HSD17B4: variants seen among roughly 807,000 people sequenced by gnomAD.
HSD17B4 encodes peroxisomal multifunctional enzyme type 2.
HSD17B4 carries 70 observed loss-of-function variants against 101.0 expected under a neutral mutation model. That is an observed-to-expected ratio of 0.69 (90% CI 0.57 to 0.85). The LOEUF is 0.85. Among genes scored for constraint, HSD17B4 ranks in the 40% least tolerant of loss-of-function variants. HSD17B4 has a pLI of 0.00. For synonymous variants in HSD17B4, 347 were observed against 297.1 expected, an observed-to-expected ratio of 1.17 and a Z score of -1.73; for missense variants, 984 against 892.4, an observed-to-expected ratio of 1.10 and a Z score of -1.31.
At chr5:119,511,789 G>T (rs560334893) in intron 16 of HSD17B4, among the ~76,000 whole-genome samples, 2 of 152,176 alleles carry the variant, frequency 1.3e-5, no homozygotes, top group South Asian at 4.1e-4. Flanking sequence ...AGGGGTGGGG[G>T]ATTAGTGTCT....
chr5:119,526,164 C>A, intron 19 of HSD17B4, 141 bp downstream of exon 19: 4 of 657,228 alleles, frequency 6.1e-6, no homozygotes, highest in Non-Finnish European at 5.5e-6. Context: ...ACCTGGCAAT[C>A]AGCACACTTT....
chr5:119,478,760 C>T (rs955449465), intron 7 of HSD17B4, 74 bp from the exon 8 acceptor site: 2 of 1,297,112 alleles, frequency 1.5e-6, no homozygotes, highest in Admixed American at 1.7e-5. Flanking sequence ...TGCAGTAGTA[C>T]CAAAACAGAG....
intron 8 of HSD17B4, among the ~76,000 whole-genome samples, chr5:119,483,003 A>G (rs1208156942): frequency 6.6e-6 from 1 of 151,978 alleles, no homozygotes; most frequent in African/African-American, 2.4e-5. Flanking sequence ...AGGCTCTGGT[A>G]AAGTAGTTTC....
intron 14 of HSD17B4, among the ~76,000 whole-genome samples, chr5:119,504,150 A>G (rs901241155): frequency 2.6e-5 from 4 of 152,178 alleles, no homozygotes; most frequent in African/African-American, 9.7e-5. Flanking sequence ...CATGGTATAT[A>G]TGTACCACAT....
At chr5:119,474,231 A>AT (rs1231998660) in intron 3 of HSD17B4, among the ~76,000 whole-genome samples, 170 bp from the exon 4 acceptor site, 1 of 152,136 alleles carries the variant, frequency 6.6e-6, no homozygotes, top group East Asian at 1.9e-4. Flanking sequence ...ATTGTTTACT[A>AT]TTTTTATTAG....
At chr5:119,506,943 A>G (rs1410650877) in intron 15 of HSD17B4, 54 bp downstream of exon 15, 6 of 901,310 alleles carry the variant, frequency 6.7e-6, no homozygotes, top group Middle Eastern at 2.6e-4. Flanking sequence ...GGCTTTGTGT[A>G]TGACATAATA....
intron 8 of HSD17B4, among the ~76,000 whole-genome samples, chr5:119,482,551 A>G (rs898116388): frequency 6.6e-6 from 1 of 152,186 alleles, no homozygotes; most frequent in Non-Finnish European, 1.5e-5. Context: ...CTATTGAGTA[A>G]TAATAGCAAG....
At position 119,452,567 on chromosome 5, in the gene HSD17B4, G is replaced by T. The variant is rs773894314; in HGVS notation, c.-9G>T. The T allele has an allele frequency of 2.7e-5, 44 of 1,613,904 alleles. 1 individual carries two copies. In the South Asian group the frequency reaches 4.7e-4, roughly 17 times the overall value. On this transcript the variant is annotated 5_prime_UTR_variant, in exon 1 of 24. Coordinates refer to ENST00000510025, the MANE Select transcript of HSD17B4 (RefSeq NM_000414.4). ...CTTGTTCGTGTGTGTGTCGTTGCAG[G>T]CCTTATTCATGGGCTCACCGCTGAG...
chr5:119,516,425 G>T (rs781768101), intron 17 of HSD17B4, among the ~76,000 whole-genome samples: 10 of 152,196 alleles, frequency 6.6e-5, no homozygotes, highest in Non-Finnish European at 1.2e-4. Context: ...TCTACGCACA[G>T]TAAGTAGTGG....
intron 17 of HSD17B4, among the ~76,000 whole-genome samples, chr5:119,515,728 A>G (rs1415416814): frequency 6.6e-6 from 1 of 152,180 alleles, no homozygotes; most frequent in African/African-American, 2.4e-5. Context: ...CCATGCAGAT[A>G]TAGCATAAAA....
At chr5:119,453,433 TAAAAC>T (rs956233950) in intron 1 of HSD17B4, among the ~76,000 whole-genome samples, 25 of 152,276 alleles carry the variant, frequency 1.6e-4, no homozygotes, top group African/African-American at 5.1e-4. Context: ...TACAAAAAAT[TAAAAC>T]AAACCATTCA....
intron 8 of HSD17B4, among the ~76,000 whole-genome samples, chr5:119,483,312 G>A (rs574434847): frequency 1.3e-5 from 2 of 152,218 alleles, no homozygotes; most frequent in Admixed American, 6.6e-5. Context: ...ATTTGCCTGT[G>A]TCTCCAGTTT....
chr5:119,520,414 T>C (rs1002005281), intron 17 of HSD17B4, among the ~76,000 whole-genome samples: 2 of 152,178 alleles, frequency 1.3e-5, no homozygotes, highest in African/African-American at 4.8e-5. Context: ...GAGACCCCCA[T>C]TTAGATTTCT....
At chr5:119,480,336 G>A (rs1415110452) in intron 8 of HSD17B4, among the ~76,000 whole-genome samples, 1 of 151,968 alleles carries the variant, frequency 6.6e-6, no homozygotes, top group Non-Finnish European at 1.5e-5. Flanking sequence ...ATTTTCCTAA[G>A]CATCGGCTGG....
intron 1 of HSD17B4, chr5:119,452,919 A>ACTTTCACCC: frequency 7.4e-7 from 1 of 1,355,884 alleles, no homozygotes; most frequent in Non-Finnish European, 1.0e-6. Flanking sequence ...AACTGGGTGA[A>ACTTTCACCC]AGTTCTCCCT....
chr5:119,458,300 T>G (rs913853237), intron 2 of HSD17B4, among the ~76,000 whole-genome samples: 2 of 152,136 alleles, frequency 1.3e-5, no homozygotes, highest in African/African-American at 2.4e-5. Flanking sequence ...CCTTTTTACA[T>G]GTACACCATA....
At chr5:119,532,998 T>C (rs1188246157) in intron 22 of HSD17B4, among the ~76,000 whole-genome samples, 1 of 152,128 alleles carries the variant, frequency 6.6e-6, no homozygotes, top group East Asian at 1.9e-4. Context: ...TGTTGCACCA[T>C]TGGGGGCCTT....
intron 8 of HSD17B4, 132 bp downstream of exon 8, chr5:119,479,153 A>G: frequency 1.4e-6 from 1 of 697,184 alleles, no homozygotes. Flanking sequence ...ATTATCTGTA[A>G]ATTGTGTTCA....
intron 17 of HSD17B4, among the ~76,000 whole-genome samples, chr5:119,518,429 G>T (rs1752834969): frequency 6.6e-6 from 1 of 152,192 alleles, no homozygotes; most frequent in African/African-American, 2.4e-5. Context: ...CTTGAAGTCA[G>T]TGAGACCAAG....
Sources: gnomAD v4.1 joint callset for allele counts (sites outside exome capture counted in the v4.1 genomes callset) on GRCh38, gnomAD v4.1.1 for gene constraint, MANE v1.5 for transcripts, NCBI Gene and HGNC (gene_info 2026-07-23, HGNC 2026-07-21) for gene names.